HS6ST1: variants seen among roughly 807,000 people sequenced by gnomAD.
HS6ST1 encodes the protein heparan-sulfate 6-O-sulfotransferase 1.
In HS6ST1, 3 loss-of-function variants were observed where a neutral mutation model predicts 25.2. The observed-to-expected ratio is 0.12, with a 90% confidence interval of 0.05 to 0.31. The LOEUF (loss-of-function observed/expected upper bound fraction) is 0.31. HS6ST1 is among the 10% of genes least tolerant of loss of function. The pLI is 1.00. For synonymous variants in HS6ST1, 204 were observed against 275.1 expected (o/e 0.74, Z 2.56); for missense variants, 310 against 609.6 (o/e 0.51, Z 5.18).
intron 1 of HS6ST1, among the ~76,000 whole-genome samples, chr2:128,287,226 C>T (rs1693877255): frequency 1.3e-5 from 2 of 152,218 alleles, no homozygotes; most frequent in Non-Finnish European, 2.9e-5. Context: ...TGGTCACTCC[C>T]ATTCCTGACC....
intron 1 of HS6ST1, among the ~76,000 whole-genome samples, chr2:128,295,060 G>A (rs890039078): frequency 6.6e-6 from 1 of 152,202 alleles, no homozygotes; most frequent in Admixed American, 6.5e-5. Context: ...GTCTGGATGT[G>A]CCCAGTGAGG....
chr2:128,272,660 G>A (rs1450512846), intron 1 of HS6ST1, among the ~76,000 whole-genome samples: 1 of 152,220 alleles, frequency 6.6e-6, no homozygotes, highest in Non-Finnish European at 1.5e-5. Flanking sequence ...GGGGGCCAGA[G>A]ACAGGGAGGA....
Position 128,268,780 on chromosome 2 carries a change from C to T in HS6ST1, c.618G>A (p.Thr206=), listed in dbSNP as rs776102471. 2.7e-5 allele frequency: 43 copies of T among 1,612,640 alleles called. No homozygotes were observed. Among genetic ancestry groups the T allele is most frequent in the Middle Eastern group, 1.7e-4 (1 of 5,898 alleles). The change falls in exon 2 of 2, where the codon ACG becomes ACA. Residue 206 remains threonine, a synonymous_variant. Coordinates refer to ENST00000259241, the MANE Select transcript of HS6ST1 (RefSeq NM_004807.3). ...TGCGCCCATCACACATATGCAACGACGTCTTCCACGTGGCACCCCTCTGCA... is the reference window on the plus strand; with the variant it reads ...TGCGCCCATCACACATATGCAACGATGTCTTCCACGTGGCACCCCTCTGCA... ...RHVQRGATWK[T]SLHMCDGRTP...
chr2:128,287,261 C>T (rs1295563765), intron 1 of HS6ST1, among the ~76,000 whole-genome samples: 1 of 152,188 alleles, frequency 6.6e-6, no homozygotes, highest in Non-Finnish European at 1.5e-5. Flanking sequence ...GCAAGAGCAC[C>T]TCAGTGGATA....
intron 1 of HS6ST1, among the ~76,000 whole-genome samples, chr2:128,285,410 C>G (rs1318856753): frequency 6.6e-6 from 1 of 152,216 alleles, no homozygotes; most frequent in Non-Finnish European, 1.5e-5. Context: ...TGGGGCCCAA[C>G]AACGTGAGGC....
intron 1 of HS6ST1, among the ~76,000 whole-genome samples, chr2:128,297,448 T>C (rs1694056828): frequency 6.6e-6 from 1 of 152,220 alleles, no homozygotes; most frequent in Admixed American, 6.5e-5. Flanking sequence ...AGCTTTATGA[T>C]ACTAGATTTG....
chr2:128,292,523 G>A (rs1693972113), intron 1 of HS6ST1, among the ~76,000 whole-genome samples: 1 of 152,204 alleles, frequency 6.6e-6, no homozygotes, highest in South Asian at 2.1e-4. Context: ...AACCAGCCAG[G>A]CATCCCGGCG....
chr2:128,302,235 C>T (rs1694142118), intron 1 of HS6ST1, among the ~76,000 whole-genome samples: 1 of 152,208 alleles, frequency 6.6e-6, no homozygotes, highest in Admixed American at 6.5e-5. Flanking sequence ...CCATGACTCA[C>T]TGGCCGCCTG....
chr2:128,316,671 C>G (rs536194044), intron 1 of HS6ST1, among the ~76,000 whole-genome samples: 218 of 152,230 alleles, frequency 1.4e-3, no homozygotes, highest in Admixed American at 3.1e-3. Flanking sequence ...AGAACATCAC[C>G]TCCCAGGCTG....
At chr2:128,282,855 C>T (rs931184291) in intron 1 of HS6ST1, among the ~76,000 whole-genome samples, 3 of 152,226 alleles carry the variant, frequency 2.0e-5, no homozygotes, top group Non-Finnish European at 4.4e-5. Flanking sequence ...CCCAGCCCGG[C>T]ATGTTGGGCT....
chr2:128,303,878 T>C (rs714129), intron 1 of HS6ST1, among the ~76,000 whole-genome samples: 23,975 of 152,244 alleles, frequency 0.16, 2,367 homozygotes, highest in Non-Finnish European at 0.21. Flanking sequence ...AATGGGTGGA[T>C]TGAGAAAAGA....
Position 128,268,136 on chromosome 2 carries a change from A to G in HS6ST1, c.*26T>C. The G allele has an allele frequency of 6.5e-7, 1 of 1,530,472 alleles. No homozygotes were observed. Among genetic ancestry groups the G allele is most frequent in the Non-Finnish European group, 8.9e-7 (1 of 1,119,966 alleles). The allele number at this position is 1,530,472 out of a possible 1,614,324, so 94.8% of individuals were successfully genotyped here. On this transcript the variant is annotated 3_prime_UTR_variant, in exon 2 of 2. Coordinates refer to ENST00000259241, the MANE Select transcript of HS6ST1 (RefSeq NM_004807.3). ...TGTTTTATCCCCCACACCCCCCAAG[A>G]GGCCTCCCCGTGGCCACCACCGCCA...
At chr2:128,281,988 A>C (rs1291663306) in intron 1 of HS6ST1, among the ~76,000 whole-genome samples, 1 of 152,226 alleles carries the variant, frequency 6.6e-6, no homozygotes, top group Admixed American at 6.5e-5. Flanking sequence ...ACCTGGACCC[A>C]GGCTGTGACT....
At chr2:128,274,447 C>G (rs149143605) in intron 1 of HS6ST1, among the ~76,000 whole-genome samples, 1 of 152,280 alleles carries the variant, frequency 6.6e-6, no homozygotes, top group African/African-American at 2.4e-5. Context: ...CAAGTATGGA[C>G]AGTAGAGATG....
At chr2:128,306,048 G>A (rs778942001) in intron 1 of HS6ST1, among the ~76,000 whole-genome samples, 11 of 152,152 alleles carry the variant, frequency 7.2e-5, no homozygotes, top group Non-Finnish European at 1.5e-4. Flanking sequence ...CTCTGCCACC[G>A]GTGACCTTAG....
chr2:128,269,594 A>G (rs984623933), intron 1 of HS6ST1, among the ~76,000 whole-genome samples: 1 of 152,186 alleles, frequency 6.6e-6, no homozygotes, highest in Admixed American at 6.5e-5. Flanking sequence ...AGGACACTGG[A>G]CAGGTGGGTA....
intron 1 of HS6ST1, among the ~76,000 whole-genome samples, chr2:128,297,716 C>T (rs1680254629): frequency 6.6e-6 from 1 of 151,842 alleles, no homozygotes; most frequent in Admixed American, 6.6e-5. Context: ...TGCCTGTAAT[C>T]CCAGCGACTC....
At chr2:128,314,363 GA>G (rs1379581397) in intron 1 of HS6ST1, among the ~76,000 whole-genome samples, 1 of 151,518 alleles carries the variant, frequency 6.6e-6, no homozygotes, top group Non-Finnish European at 1.5e-5. Context: ...CAGAGTCCAG[GA>G]AAAAAAAATT....
intron 1 of HS6ST1, among the ~76,000 whole-genome samples, chr2:128,272,420 C>T (rs528022455): frequency 6.6e-6 from 1 of 152,326 alleles, no homozygotes; most frequent in South Asian, 2.1e-4. Flanking sequence ...ACCCAGCAGG[C>T]ACATGTAGTA....
Sources: allele counts gnomAD v4.1 joint callset (sites outside exome capture counted in the v4.1 genomes callset), GRCh38; gene constraint gnomAD v4.1.1; transcripts MANE v1.5; gene names NCBI Gene and HGNC (gene_info 2026-07-23, HGNC 2026-07-21).